The following PRG4 variants were observed in gnomAD, a reference collection of about 807,000 sequenced individuals.
PRG4 encodes proteoglycan 4.
PRG4 carries 61 observed loss-of-function variants against 91.2 expected under a neutral mutation model. That is an observed-to-expected ratio of 0.67 (90% CI 0.54 to 0.83). The LOEUF is 0.83. Ranked by LOEUF, PRG4 falls within the 40% of genes least tolerant of loss-of-function variation. PRG4 has a pLI of 0.00. For missense variants in PRG4, 1,564 were observed against 1,714.2 expected (o/e 0.91, Z 1.55); for synonymous variants, 576 against 614.2 (o/e 0.94, Z 0.92).
In PRG4 at chr1:186,307,124, C is replaced by T. The variant is rs149342058; in HGVS notation, c.1405C>T (p.Pro469Ser). Residue 469 changes from proline (P) to serine (S), a missense_variant, in exon 7 of 13, where the codon CCC becomes TCC. Physicochemically the swap from Pro to Ser is moderately conservative, Grantham distance 74. Around this residue, in one of 3 missense-constraint regions of PRG4, gnomAD observed 1,079 missense variants for 1,162.2 expected, o/e 0.93. Transcript: ENST00000445192. ...ACCCACCACTCCCAAGGAGCCTGCA[C>T]CCACCACCAAGGAGCCTGCACCCAC... ...PTPTTPKEPA[P>S]TTKEPAPTTP... The T allele has an allele frequency of 4.5e-6, 7 of 1,570,218 alleles. No individual in the cohort carries two copies. The highest frequency in any genetic ancestry group is 6.0e-6 in the Non-Finnish European group (7 of 1,160,994).
In PRG4 at chr1:186,311,174, A is replaced by G; in HGVS notation, c.3636+4A>G. ...AGGAAAAACTTTCTTCTTTAAGGTA[A>G]CACAAATATCTTTGTGAGAGAAATT... On this transcript the variant is annotated splice_donor_region_variant and intron_variant, in intron 9 of 12. Coordinates refer to ENST00000445192, the MANE Select transcript of PRG4 (RefSeq NM_005807.6). The G allele has an allele frequency of 1.2e-6, 2 of 1,607,160 alleles. No homozygotes were observed. The highest frequency in any genetic ancestry group is 2.2e-5 in the East Asian group (1 of 44,638).
At position 186,312,201 on chromosome 1, in the gene PRG4, A is replaced by G. The variant is rs1277170867; in HGVS notation, c.3820A>G (p.Lys1274Glu). 3.1e-6 allele frequency: 5 copies of G among 1,613,906 alleles called. No individual in the cohort carries two copies. Among genetic ancestry groups the G allele is most frequent in the Non-Finnish European group, 4.2e-6 (5 of 1,179,930 alleles). ...RGGSIQQYIY[K>E]QEPVQKCPGR... ...TGGCAGCATTCAGCAGTATATTTAT[A>G]AACAGGAACCTGTACAGAAGTGCCC... The change falls in exon 11 of 13, where the codon AAA (lysine) becomes GAA (glutamate). Residue 1274 changes from lysine to glutamate, a missense_variant. Transcript: ENST00000445192.
chr1:186,299,317 C>T (rs1282936383), intron 2 of PRG4, among the ~76,000 whole-genome samples: 1 of 152,228 alleles, frequency 6.6e-6, no homozygotes, highest in Non-Finnish European at 1.5e-5. Flanking sequence ...CCTCCCCTGA[C>T]ATTTTAAAAA....
chr1:186,308,936 C>G lies in PRG4; in HGVS notation c.3217C>G (p.Leu1073Val). The change falls in exon 7 of 13, where the codon CTC becomes GTC. Residue 1073 changes from leucine (L) to valine (V), a missense_variant. Leu to Val is a conservative substitution (Grantham distance 32). Around this residue, in one of 3 missense-constraint regions of PRG4, gnomAD observed 1,079 missense variants for 1,162.2 expected, o/e 0.93. Transcript: ENST00000445192. ...TACCTCAAGAATAGCAGAAGCCATG[C>G]TCCAAACCACCACCAGACCTAACCA... ...NPTSRIAEAMLQTTTRPNQTP... is the reference protein window; with the variant it reads ...NPTSRIAEAMVQTTTRPNQTP... 6.2e-7 allele frequency: 1 copy of G among 1,611,036 alleles called. No homozygotes were observed. Among genetic ancestry groups the G allele is most frequent in the Non-Finnish European group, 8.5e-7 (1 of 1,178,858 alleles).
At position 186,308,211 on chromosome 1, in the gene PRG4, C is replaced by A; in HGVS notation, c.2492C>A (p.Pro831His). ...CCTAAGGAGACTGCTCCAACTACCCCCAAGGAGCCTGCACCCACTACCCCC... is the reference window on the plus strand; with the variant it reads ...CCTAAGGAGACTGCTCCAACTACCCACAAGGAGCCTGCACCCACTACCCCC... ...TTPKETAPTT[P>H]KEPAPTTPKK... Residue 831 changes from proline to histidine, a missense_variant, in exon 7 of 13, where the codon CCC becomes CAC. Coordinates refer to ENST00000445192, the MANE Select transcript of PRG4 (RefSeq NM_005807.6). 3 of 1,611,482 alleles carry A rather than the reference C, an allele frequency of 1.9e-6. No homozygotes were observed. The highest frequency in any genetic ancestry group is 2.5e-6 in the Non-Finnish European group (3 of 1,179,134).
chr1:186,299,918 G>T (rs1656089348), intron 2 of PRG4, among the ~76,000 whole-genome samples, 173 bp from the exon 3 acceptor site: 1 of 152,166 alleles, frequency 6.6e-6, no homozygotes, highest in South Asian at 2.1e-4. Context: ...TGACATAATT[G>T]AGATCACCTA....
chr1:186,297,095 A>G, intron 2 of PRG4, 144 bp downstream of exon 2: 1 of 718,438 alleles, frequency 1.4e-6, no homozygotes, highest in Admixed American at 2.4e-5. Flanking sequence ...AATATATAAC[A>G]TGTAGCCTGT....
rs1657197732 is a variant in PRG4, at chr1:186,311,231, C to T, written c.3636+61C>T. 5.9e-6 allele frequency: 9 copies of T among 1,529,990 alleles called. No individual in the cohort carries two copies. The East Asian group carries it at 2.0e-4, about 34-fold the overall frequency. 94.8% of individuals were successfully genotyped at this position (1,529,990 alleles called of 1,614,324 possible). On this transcript the variant is annotated intron_variant, in intron 9 of 12. Coordinates refer to ENST00000445192, the MANE Select transcript of PRG4 (RefSeq NM_005807.6). ...TAATTTGTAACTGCATTATTTATTACAACATATATTGCCTTAACCTCCAAT... is the reference window on the plus strand; with the variant it reads ...TAATTTGTAACTGCATTATTTATTATAACATATATTGCCTTAACCTCCAAT...
At position 186,308,950 on chromosome 1, in the gene PRG4, C is replaced by G. The variant is rs768532049; in HGVS notation, c.3231C>G (p.Thr1077=). 2.5e-6 allele frequency: 4 copies of G among 1,608,714 alleles called. No individual in the cohort carries two copies. The highest frequency in any genetic ancestry group is 3.4e-6 in the Non-Finnish European group (4 of 1,177,654). ...CAGAAGCCATGCTCCAAACCACCAC[C>G]AGACCTAACCAAACTCCAAACTCCA... ...RIAEAMLQTT[T]RPNQTPNSKL... The change falls in exon 7 of 13, where the codon ACC becomes ACG. Residue 1077 remains threonine (T), a synonymous_variant. Coordinates refer to ENST00000445192, the MANE Select transcript of PRG4 (RefSeq NM_005807.6).
At position 186,304,795 on chromosome 1, in the gene PRG4, A is replaced by G. The variant is rs781682809; in HGVS notation, c.471A>G (p.Glu157=). Residue 157 remains glutamate, a splice_region_variant and synonymous_variant, in exon 6 of 13, where the codon GAA becomes GAG. Coordinates refer to ENST00000445192, the MANE Select transcript of PRG4 (RefSeq NM_005807.6). ...TCAAACTTTCTATTTGATTTATAGA[A>G]CATTCTGTTTCTGAAAATCAAGAGT... The part of the protein sequence containing the change: ...KVIESEEITE[E]HSVSENQESS... 6.2e-7 allele frequency: 1 copy of G among 1,611,110 alleles called. No individual in the cohort carries two copies. Among genetic ancestry groups the G allele is most frequent in the Non-Finnish European group, 8.5e-7 (1 of 1,177,632 alleles).
Position 186,312,354 on chromosome 1 carries a change from C to G in PRG4, c.3973C>G (p.Leu1325Val), listed in dbSNP as rs1272121234. 6.2e-6 allele frequency: 10 copies of G among 1,608,214 alleles called. No homozygotes were observed. Among genetic ancestry groups the G allele is most frequent in the Non-Finnish European group, 8.5e-6 (10 of 1,178,142 alleles). Residue 1325 changes from leucine (L) to valine (V), a missense_variant, in exon 11 of 13, where the codon CTG becomes GTG. Physicochemically the swap from Leu to Val is conservative, Grantham distance 32. This residue lies in a region of PRG4 where 1,079 missense variants were observed against 1,162.2 expected (regional missense o/e 0.93). Transcript: ENST00000445192. ...CAGAATTCAATATTCACCTGCCAGA[C>G]TGGCTTATCAAGACAAAGGTAACAT... Reference protein sequence around the residue: ...TIRIQYSPARLAYQDKGVLHN... With the variant: ...TIRIQYSPARVAYQDKGVLHN...
At position 186,311,739 on chromosome 1, in the gene PRG4, T is replaced by A. The variant is rs1019865046; in HGVS notation, c.3793+143T>A. 37 of 868,980 alleles carry A rather than the reference T, an allele frequency of 4.3e-5. 1 individual carries two copies. The highest frequency in any genetic ancestry group is 6.3e-5 in the Non-Finnish European group (36 of 568,914). The allele number at this position is 868,980 out of a possible 1,614,324, so 53.8% of individuals were successfully genotyped here. On this transcript the variant is annotated intron_variant, in intron 10 of 12. Coordinates refer to ENST00000445192, the MANE Select transcript of PRG4 (RefSeq NM_005807.6). The stretch of plus-strand genomic sequence containing the variant: ...CAGTGAAAAAAATCAATATTGAGGG[T>A]AGTATTCTTATTGCCCTCAATTTTT...
At position 186,304,252 on chromosome 1, in the gene PRG4, C is replaced by T. The variant is rs759747736; in HGVS notation, c.464C>T (p.Thr155Ile). Residue 155 changes from threonine (T) to isoleucine (I), a missense_variant, in exon 5 of 13, where the codon ACA (threonine) becomes ATA (isoleucine). By Grantham distance (89) the Thr-to-Ile change is moderately conservative. This residue lies in a region of PRG4 where 437 missense variants were observed against 459.0 expected (regional missense o/e 0.95). Transcript: ENST00000445192. ...TKKVIESEEITEEHSVSENQE... is the reference protein window; with the variant it reads ...TKKVIESEEIIEEHSVSENQE... ...AAAGTTATAGAATCAGAGGAAATAA[C>T]AGAAGGTAGGAAGATGACAGATATA... 1.2e-6 allele frequency: 2 copies of T among 1,612,760 alleles called. No homozygotes were observed. Among genetic ancestry groups the T allele is most frequent in the Non-Finnish European group, 1.7e-6 (2 of 1,178,862 alleles).
Position 186,308,375 on chromosome 1 carries a change from C to T in PRG4, c.2656C>T (p.Pro886Ser). Residue 886 changes from proline (P) to serine (S), a missense_variant, in exon 7 of 13, where the codon CCA (proline) becomes TCA (serine). By Grantham distance (74) the Pro-to-Ser change is moderately conservative (BLOSUM62 -1). Transcript: ENST00000445192. ...STPELSAEPTPKALENSPKEP... is the reference protein window; with the variant it reads ...STPELSAEPTSKALENSPKEP... ...TCCTGAGCTTTCTGCAGAACCCACA[C>T]CAAAAGCTCTTGAAAACAGTCCCAA... The T allele has an allele frequency of 1.9e-6, 3 of 1,613,916 alleles. No individual in the cohort carries two copies. The highest frequency in any genetic ancestry group is 2.5e-6 in the Non-Finnish European group (3 of 1,180,040).
At chr1:186,313,609 T>C in intron 12 of PRG4, 72 bp from the exon 13 acceptor site, 1 of 885,334 alleles carries the variant, frequency 1.1e-6, no homozygotes, top group Non-Finnish European at 1.9e-6. Flanking sequence ...AGCATAATAG[T>C]CAACATAAGT....
At position 186,306,717 on chromosome 1, in the gene PRG4, C is replaced by G. The variant is rs1434193340; in HGVS notation, c.998C>G (p.Pro333Arg). 1 of 1,613,604 alleles carries G rather than the reference C, an allele frequency of 6.2e-7. No homozygotes were observed. The highest frequency in any genetic ancestry group is 8.5e-7 in the Non-Finnish European group (1 of 1,179,794). The change falls in exon 7 of 13, where the codon CCC becomes CGC. Residue 333 changes from proline (P) to arginine (R), a missense_variant. Physicochemically the swap from Pro to Arg is moderately radical, Grantham distance 103. Coordinates refer to ENST00000445192, the MANE Select transcript of PRG4 (RefSeq NM_005807.6). The part of the protein sequence containing the change: ...PTSKVLAKPT[P>R]KAETTTKGPA... ...TCTAAAGTGCTGGCTAAACCTACAC[C>G]CAAAGCTGAAACTACAACCAAAGGC...
At chr1:186,313,170 T>C (rs1334272189) in intron 12 of PRG4, 2 of 462,882 alleles carry the variant, frequency 4.3e-6, no homozygotes, top group Non-Finnish European at 8.0e-6. Flanking sequence ...ACTTCTATCA[T>C]TTGTGGCATT....
chr1:186,305,410 A>T (rs1656492159), intron 6 of PRG4, among the ~76,000 whole-genome samples: 1 of 152,192 alleles, frequency 6.6e-6, no homozygotes, highest in Non-Finnish European at 1.5e-5. Context: ...AGTAACTTAT[A>T]TATTATATCT....
chr1:186,311,393 C>CT (rs757949871), intron 9 of PRG4, 47 bp from the exon 10 acceptor site: 15 of 1,584,664 alleles, frequency 9.5e-6, no homozygotes, highest in Non-Finnish European at 9.5e-6. Context: ...AGTTCCAAAT[C>CT]TTTTTTCCCA....
Sources: allele counts gnomAD v4.1 joint callset (sites outside exome capture counted in the v4.1 genomes callset), GRCh38; gene constraint gnomAD v4.1.1; regional missense constraint gnomAD v4.1.1; transcripts MANE v1.5; gene names NCBI Gene and HGNC (gene_info 2026-07-23, HGNC 2026-07-21).